NDUFS3: variants seen among roughly 807,000 people sequenced by gnomAD.
The protein encoded by NDUFS3 is NADH dehydrogenase [ubiquinone] iron-sulfur protein 3, mitochondrial.
A neutral mutation model predicts 30.8 loss-of-function variants in NDUFS3; 19 were observed. The observed-to-expected ratio is 0.62, with a 90% CI of 0.43 to 0.91. The LOEUF (loss-of-function observed/expected upper bound fraction) is 0.91, where lower values mean the gene tolerates loss of function less well. NDUFS3 is among the 40% of genes least tolerant of loss of function. NDUFS3 has a pLI of 0.00. For synonymous variants in NDUFS3, 153 were observed against 135.8 expected (o/e 1.13, Z -0.88); for missense variants, 331 against 342.0 (o/e 0.97, Z 0.25).
rs778409332 is a variant in NDUFS3, at chr11:47,580,958, G to A, written c.355G>A (p.Val119Ile). 2.6e-5 allele frequency: 42 copies of A among 1,614,086 alleles called. No homozygotes were observed. The highest frequency in any genetic ancestry group is 1.8e-4 in the East Asian group (8 of 44,904). ...TCTGGTTGACTTGACAGCAGTGGAC[G>A]TCCCAACTCGGCAAAACCGTTTTGA... ...KSLVDLTAVD[V>I]PTRQNRFEIV... The change falls in exon 4 of 7, where the codon GTC becomes ATC. Residue 119 changes from valine to isoleucine, a missense_variant. Transcript: ENST00000263774.
At chr11:47,583,119 G>A (rs2097269545) in intron 6 of NDUFS3, among the ~76,000 whole-genome samples, 1 of 151,914 alleles carries the variant, frequency 6.6e-6, no homozygotes, top group Admixed American at 6.5e-5. Context: ...TGCGATCATG[G>A]CTCACTGCAG....
rs2097268460 is a variant in NDUFS3, at chr11:47,580,890, T to G, written c.287T>G (p.Val96Gly). 1 of 1,614,108 alleles carries G rather than the reference T, an allele frequency of 6.2e-7. No homozygotes were observed. Among genetic ancestry groups the G allele is most frequent in the East Asian group, 2.2e-5 (1 of 44,906 alleles). The change falls in exon 4 of 7, where the codon GTG becomes GGG. Residue 96 changes from valine to glycine, a missense_variant. Physicochemically the swap from Val to Gly is moderately radical, Grantham distance 109. Coordinates refer to ENST00000263774, the MANE Select transcript of NDUFS3 (RefSeq NM_004551.3). Reference protein sequence around the residue: ...VCIHPDGVIPVLTFLRDHTNA... With the variant: ...VCIHPDGVIPGLTFLRDHTNA... ...ATCCATCCTGATGGCGTCATCCCAG[T>G]GCTGACTTTCCTCAGGGATCACACC...
At chr11:47,579,218 A>G in intron 1 of NDUFS3, 51 bp from the exon 2 acceptor site, 1 of 1,613,882 alleles carries the variant, frequency 6.2e-7, no homozygotes, top group Non-Finnish European at 8.5e-7. Flanking sequence ...CAGTGCAGAG[A>G]GCTCCTCAGG....
Position 47,584,400 on chromosome 11 carries a change from C to A in NDUFS3, c.714C>A (p.Pro238=). 6.2e-7 allele frequency: 1 copy of A among 1,614,150 alleles called. No homozygotes were observed. Among genetic ancestry groups the A allele is most frequent in the Non-Finnish European group, 8.5e-7 (1 of 1,180,030 alleles). The change falls in exon 7 of 7, where the codon CCC becomes CCA. Residue 238 remains proline, a synonymous_variant. Transcript: ENST00000263774. ...QEFRKFDLNS[P]WEAFPVYRQP... is the part of the protein sequence containing the mutation. ...TCCGCAAATTTGACCTGAACAGCCC[C>A]TGGGAGGCTTTCCCAGTCTATCGCC...
Position 47,579,149 on chromosome 11 carries a change from C to T in NDUFS3, c.58C>T (p.Leu20=). The change falls in exon 1 of 7, where the codon CTG becomes TTG. Residue 20 remains leucine, a synonymous_variant. Transcript: ENST00000263774. ...GCGCGGGATCTTGGGGGCCTCGGCG[C>T]TGACCAGGGGTGAGCACGGGCAGCC... is the stretch of plus-strand genomic sequence containing the variant. ...WWRGILGASA[L]TRGTGRPSVL... is the part of the protein sequence containing the mutation. The T allele has an allele frequency of 1.2e-6, 2 of 1,607,306 alleles. No individual in the cohort carries two copies. Among genetic ancestry groups the T allele is most frequent in the Non-Finnish European group, 1.7e-6 (2 of 1,177,628 alleles).
In NDUFS3 at chr11:47,584,451, A is replaced by T. The variant is rs749238576; in HGVS notation, c.765A>T (p.Glu255Asp). 12 of 1,614,126 alleles carry T rather than the reference A, an allele frequency of 7.4e-6. No homozygotes were observed. The South Asian group carries it at 1.2e-4, about 16-fold the overall frequency. Residue 255 changes from glutamate to aspartate, a missense_variant, in exon 7 of 7, where the codon GAA (glutamate) becomes GAT (aspartate). By Grantham distance (45) the Glu-to-Asp change is conservative (BLOSUM62 2). Transcript: ENST00000263774. Reference protein sequence around the residue: ...YRQPPESLKLEAGDKKPDAK With the variant: ...YRQPPESLKLDAGDKKPDAK The stretch of plus-strand genomic sequence containing the variant: ...AACCCCCGGAGAGTCTCAAGCTTGA[A>T]GCCGGAGACAAGAAGCCTGATGCCA...
rs201457989 is a variant in NDUFS3, at chr11:47,579,125, C to T, written c.34C>T (p.Arg12Cys). The T allele has an allele frequency of 5.7e-5, 91 of 1,592,554 alleles. No homozygotes were observed. In the East Asian group the frequency reaches 2.0e-3, roughly 35 times the overall value. ...GGCGGCGGTAGCCAGGCTGTGGTGGCGCGGGATCTTGGGGGCCTCGGCGCT... is the reference window on the plus strand; with the variant it reads ...GGCGGCGGTAGCCAGGCTGTGGTGGTGCGGGATCTTGGGGGCCTCGGCGCT... ...AAAAVARLWW[R>C]GILGASALTR... Residue 12 changes from arginine to cysteine, a missense_variant, in exon 1 of 7, where the codon CGC (arginine) becomes TGC (cysteine). Arg to Cys is a radical substitution (Grantham distance 180, BLOSUM62 -3). Transcript: ENST00000263774.
At chr11:47,581,124 C>A in intron 4 of NDUFS3, 140 bp downstream of exon 4, 1 of 991,602 alleles carries the variant, frequency 1.0e-6, no homozygotes, top group Non-Finnish European at 1.6e-6. Context: ...CACTAAATGG[C>A]TGTGGGACCT....
At chr11:47,579,405 G>GGATGCCCTTCCCTAC in intron 2 of NDUFS3, 71 bp downstream of exon 2, 1 of 1,586,820 alleles carries the variant, frequency 6.3e-7, no homozygotes, top group Non-Finnish European at 8.6e-7. Flanking sequence ...CCTTGCCCTA[G>GGATGCCCTTCCCTAC]GATGCCCTTC....
chr11:47,582,812 A>G (rs545916248), intron 6 of NDUFS3, among the ~76,000 whole-genome samples: 1 of 152,284 alleles, frequency 6.6e-6, no homozygotes, highest in Non-Finnish European at 1.5e-5. Flanking sequence ...CCTAGGCAAC[A>G]TGGTGAAACC....
At chr11:47,581,746 T>C (rs1415559615) in intron 4 of NDUFS3, 1 of 372,978 alleles carries the variant, frequency 2.7e-6, no homozygotes, top group Admixed American at 3.7e-5. Context: ...ATACAAAGGA[T>C]ATTAGAGGGA....
intron 4 of NDUFS3, 79 bp downstream of exon 4, chr11:47,581,063 T>C (rs2097268606): frequency 3.8e-6 from 6 of 1,564,184 alleles, no homozygotes; most frequent in Middle Eastern, 2.0e-4. Context: ...ACACAGCAGT[T>C]AAACTGGAAC....
intron 2 of NDUFS3, among the ~76,000 whole-genome samples, 193 bp from the exon 3 acceptor site, chr11:47,580,332 G>A (rs2097267846): frequency 6.6e-6 from 1 of 152,214 alleles, no homozygotes; most frequent in Non-Finnish European, 1.5e-5. Flanking sequence ...TGAGGACCGT[G>A]TAGTTAAGGT....
chr11:47,584,253 G>A, intron 6 of NDUFS3, 61 bp from the exon 7 acceptor site: 1 of 1,608,926 alleles, frequency 6.2e-7, no homozygotes, highest in South Asian at 1.1e-5. Flanking sequence ...TGAAAAGTAG[G>A]CTCCTGTGTA....
rs1205401999 is a variant in NDUFS3, at chr11:47,580,534, G to A, written c.143G>A (p.Arg48Lys). 6.2e-7 allele frequency: 1 copy of A among 1,614,162 alleles called. No individual in the cohort carries two copies. Among genetic ancestry groups the A allele is most frequent in the South Asian group, 1.1e-5 (1 of 91,082 alleles). The stretch of plus-strand genomic sequence containing the variant: ...TGCCTTTTCCTTCCAGCCACTGTCA[G>A]ACCACGGAATGATGTGGCCCACAAG... Reference protein sequence around the residue: ...SAGADTRPTVRPRNDVAHKQL... With the variant: ...SAGADTRPTVKPRNDVAHKQL... The change falls in exon 3 of 7, where the codon AGA becomes AAA. Residue 48 changes from arginine to lysine, a missense_variant. Coordinates refer to ENST00000263774, the MANE Select transcript of NDUFS3 (RefSeq NM_004551.3).
chr11:47,583,120 C>G (rs2097269546), intron 6 of NDUFS3, among the ~76,000 whole-genome samples: 1 of 152,022 alleles, frequency 6.6e-6, no homozygotes, highest in Non-Finnish European at 1.5e-5. Flanking sequence ...GCGATCATGG[C>G]TCACTGCAGT....
intron 6 of NDUFS3, among the ~76,000 whole-genome samples, chr11:47,583,010 G>C (rs1038307441): frequency 1.3e-5 from 2 of 151,814 alleles, no homozygotes; most frequent in Non-Finnish European, 2.9e-5. Flanking sequence ...ATAAATAAAT[G>C]ATGTATGAAG....
rs141197758 is a variant in NDUFS3, at chr11:47,579,416, C to G, written c.133+82C>G. 2.1e-3 allele frequency: 3,272 copies of G among 1,541,898 alleles called. 7 individuals are homozygous for G. The highest frequency in any genetic ancestry group is 9.2e-3 in the Middle Eastern group (55 of 5,956). ...CTGTCCTTGCCCTAGGATGCCCTTC[C>G]CTACGTCCTCCTGGCAAATCTTGGA... On this transcript the variant is annotated intron_variant, in intron 2 of 6. Transcript: ENST00000263774.
chr11:47,580,022 CACACACA>C, intron 2 of NDUFS3, among the ~76,000 whole-genome samples: 1 of 127,220 alleles, frequency 7.9e-6, no homozygotes, highest in African/African-American at 3.1e-5. Context: ...CACACACACA[CACACACA>C]CCTGGGCCTC....
Sources: allele counts gnomAD v4.1 joint callset (sites outside exome capture counted in the v4.1 genomes callset), GRCh38; gene constraint gnomAD v4.1.1; transcripts MANE v1.5; gene names NCBI Gene and HGNC (gene_info 2026-07-23, HGNC 2026-07-21).